Variants in FOXK1 observed in about 807,000 individuals in gnomAD.
The protein encoded by FOXK1 is forkhead box protein K1.
In FOXK1, 19 loss-of-function variants were observed where a neutral mutation model predicts 51.9. The ratio of observed to expected loss-of-function variants is 0.37; its 90% CI spans 0.26 to 0.54. FOXK1 has a LOEUF of 0.54. Among genes scored for constraint, FOXK1 ranks in the 20% least tolerant of loss-of-function variants. The pLI, the probability that FOXK1 is intolerant of heterozygous loss-of-function variation, is 0.87. For missense variants in FOXK1, 870 were observed against 1,032.7 expected (o/e 0.84, Z 2.16); for synonymous variants, 537 against 482.6 (o/e 1.11, Z -1.48).
rs778040613 is a variant in FOXK1, at chr7:4,755,371, C to A, written c.1038C>A (p.Asp346Glu). 1.9e-6 allele frequency: 3 copies of A among 1,613,502 alleles called. No homozygotes were observed. In the South Asian group the frequency reaches 3.3e-5, roughly 18 times the overall value. Residue 346 changes from aspartate (D) to glutamate (E), a missense_variant, in exon 4 of 9, where the codon GAC becomes GAA. Asp to Glu is a conservative substitution (Grantham distance 45, BLOSUM62 2). Coordinates refer to ENST00000328914, the MANE Select transcript of FOXK1 (RefSeq NM_001037165.2). The surrounding 1 kb of genome is among the most constrained non-coding windows in gnomAD (Gnocchi z 6.6). ...TKHYPYYRTA[D>E]KGWQNSIRHN... ...ATTACCCCTACTACCGGACGGCCGA[C>A]AAAGGCTGGCAGGTGAAGCCGAGTC...
rs192867629 is a variant in FOXK1, at chr7:4,703,620, C to G, written c.560+20752C>G. On this transcript the variant is annotated intron_variant, in intron 1 of 8. Coordinates refer to ENST00000328914, the MANE Select transcript of FOXK1 (RefSeq NM_001037165.2). This position sits in a 1 kb window ranked among gnomAD's most constrained non-coding sequence, Gnocchi z 5.6. ...ACATCATTAAGAATTGTTTTTATAT[C>G]TGGCAAAACTAAAAGCTTGAATATT... Among the ~76,000 whole-genome samples, 114 of 152,326 alleles carry G rather than the reference C, an allele frequency of 7.5e-4. No homozygotes were observed. Among genetic ancestry groups the G allele is most frequent in the Non-Finnish European group, 2.1e-4 (14 of 68,032 alleles).
At chr7:4,738,352 G>T (rs774839004) in intron 1 of FOXK1, among the ~76,000 whole-genome samples, 1 of 148,322 alleles carries the variant, frequency 6.7e-6, no homozygotes, top group Non-Finnish European at 1.5e-5. Context: ...CAGCAGAATC[G>T]CTTGAACCCA....
intron 1 of FOXK1, among the ~76,000 whole-genome samples, chr7:4,716,326 C>G (rs928513920): frequency 4.6e-5 from 7 of 151,878 alleles, no homozygotes; most frequent in Admixed American, 3.3e-4. Context: ...ATAGCAAGAC[C>G]CTGTTTCTAC....
chr7:4,710,705 G>A (rs139371566), intron 1 of FOXK1, among the ~76,000 whole-genome samples: 153 of 152,248 alleles, frequency 1.0e-3, no homozygotes, highest in African/African-American at 3.3e-3. Context: ...TGGAAGGGAG[G>A]GTCACATTCA....
In FOXK1 at chr7:4,747,674, T is replaced by C. The variant is rs1780723054; in HGVS notation, c.746+6651T>C. ...CTGCAGCCTCCTGAGTAGCTAGGAC[T>C]ACAGGCACCCACCACCACACACACC... On this transcript the variant is annotated intron_variant, in intron 2 of 8. Transcript: ENST00000328914. The surrounding 1 kb of genome is among the most constrained non-coding windows in gnomAD (Gnocchi z 9.2). Among the ~76,000 whole-genome samples, 1 of 150,652 alleles carries C rather than the reference T, an allele frequency of 6.6e-6. No homozygotes were observed. Among genetic ancestry groups the C allele is most frequent in the Admixed American group, 6.6e-5 (1 of 15,110 alleles).
chr7:4,715,673 G>A lies in FOXK1; in HGVS notation c.561-25165G>A, dbSNP rs1780224512. 6.6e-6 allele frequency among the ~76,000 whole-genome samples: 1 copy of A among 152,224 alleles called. No homozygotes were observed. The highest frequency in any genetic ancestry group is 2.4e-5 in the African/African-American group (1 of 41,470). On this transcript the variant is annotated intron_variant, in intron 1 of 8. Coordinates refer to ENST00000328914, the MANE Select transcript of FOXK1 (RefSeq NM_001037165.2). The surrounding 1 kb of genome is among the most constrained non-coding windows in gnomAD (Gnocchi z 4.5). ...TGTTCCCTGCTGTGACTGACTGGCA[G>A]GAACCTGGGCTTGTCAAGTCAGTCT... is the stretch of plus-strand genomic sequence containing the variant.
chr7:4,686,712 G>T (rs949688477), intron 1 of FOXK1, among the ~76,000 whole-genome samples: 10 of 152,256 alleles, frequency 6.6e-5, no homozygotes, highest in African/African-American at 2.4e-4. Flanking sequence ...TGCAACAACT[G>T]GGTTCTGTTT....
chr7:4,762,377 C>T lies in FOXK1; in HGVS notation c.2115C>T (p.Ser705=). 1 of 1,550,082 alleles carries T rather than the reference C, an allele frequency of 6.5e-7. No homozygotes were observed. The highest frequency in any genetic ancestry group is 8.7e-7 in the Non-Finnish European group (1 of 1,147,030). The change falls in exon 9 of 9, where the codon TCC becomes TCT. Residue 705 remains serine (S), a synonymous_variant. Coordinates refer to ENST00000328914, the MANE Select transcript of FOXK1 (RefSeq NM_001037165.2). The surrounding 1 kb of genome is among the most constrained non-coding windows in gnomAD (Gnocchi z 5.7). ...SSTGEPEVKR[S]RVEEPSGAVT... ...CTGGAGAGCCCGAGGTCAAAAGGTC[C>T]CGGGTGGAGGAGCCCAGTGGTGCTG...
intron 1 of FOXK1, among the ~76,000 whole-genome samples, chr7:4,721,285 C>G (rs1164286034): frequency 6.6e-6 from 1 of 152,124 alleles, no homozygotes; most frequent in African/African-American, 2.4e-5. Flanking sequence ...CTTGGAAACC[C>G]CCCGGAGCTC....
intron 1 of FOXK1, among the ~76,000 whole-genome samples, chr7:4,695,166 C>A (rs1779936827): frequency 6.6e-6 from 1 of 152,220 alleles, no homozygotes; most frequent in Admixed American, 6.5e-5. Context: ...GGCTGTACAG[C>A]CCTGGCATTG....
Position 4,762,651 on chromosome 7 carries a change from A to T in FOXK1, c.*187A>T. ...TGCCTTCCCGTGGTTTAAGACAAAA[A>T]CACATAAACAAGTTCAGACAACTGA... On this transcript the variant is annotated 3_prime_UTR_variant, in exon 9 of 9. Coordinates refer to ENST00000328914, the MANE Select transcript of FOXK1 (RefSeq NM_001037165.2). The surrounding 1 kb of genome is among the most constrained non-coding windows in gnomAD (Gnocchi z 5.7). 1 of 597,380 alleles carries T rather than the reference A, an allele frequency of 1.7e-6. No individual in the cohort carries two copies. Among genetic ancestry groups the T allele is most frequent in the African/African-American group, 1.9e-5 (1 of 53,698 alleles). The allele number at this position is 597,380 out of a possible 1,614,324, so 37.0% of individuals were successfully genotyped here.
At chr7:4,739,233 C>A (rs150354905) in intron 1 of FOXK1, among the ~76,000 whole-genome samples, 1 of 152,300 alleles carries the variant, frequency 6.6e-6, no homozygotes, top group Non-Finnish European at 1.5e-5. Flanking sequence ...GAGTACTTTG[C>A]CCGTCCTGAA....
intron 1 of FOXK1, among the ~76,000 whole-genome samples, chr7:4,687,589 C>T (rs543135057): frequency 3.7e-4 from 56 of 152,244 alleles, no homozygotes; most frequent in Admixed American, 1.4e-3. Flanking sequence ...CTACTACGCC[C>T]GGCCCCAACT....
At chr7:4,702,931 C>T (rs1347652338) in intron 1 of FOXK1, among the ~76,000 whole-genome samples, 1 of 152,152 alleles carries the variant, frequency 6.6e-6, no homozygotes, top group African/African-American at 2.4e-5. Context: ...CTACCCAGCT[C>T]GGGTTCTGGG....
At chr7:4,688,932 C>A (rs1779855804) in intron 1 of FOXK1, among the ~76,000 whole-genome samples, 1 of 151,412 alleles carries the variant, frequency 6.6e-6, no homozygotes, top group South Asian at 2.1e-4. Context: ...ACATTAGCAG[C>A]TTTTGGTGGT....
chr7:4,691,210 C>T (rs1224152812), intron 1 of FOXK1, among the ~76,000 whole-genome samples: 3 of 152,166 alleles, frequency 2.0e-5, no homozygotes, highest in African/African-American at 4.8e-5. Context: ...ATGTTTTCCT[C>T]GGATGCTGTG....
At position 4,749,838 on chromosome 7, in the gene FOXK1, G is replaced by C. The variant is rs1780752007; in HGVS notation, c.747-4621G>C. On this transcript the variant is annotated intron_variant, in intron 2 of 8. Coordinates refer to ENST00000328914, the MANE Select transcript of FOXK1 (RefSeq NM_001037165.2). The surrounding 1 kb of genome is among the most constrained non-coding windows in gnomAD (Gnocchi z 6.0). ...CGGCTCCAGAGGTGGCTTTAGGTCT[G>C]TTGTTGGATTTGCCTTTCTCAGCGT... is the stretch of plus-strand genomic sequence containing the variant. Among the ~76,000 whole-genome samples the C allele has an allele frequency of 6.6e-6, 1 of 152,232 alleles. No homozygotes were observed. The highest frequency in any genetic ancestry group is 1.5e-5 in the Non-Finnish European group (1 of 68,040).
chr7:4,688,118 A>G (rs958636221), intron 1 of FOXK1, among the ~76,000 whole-genome samples: 1 of 152,044 alleles, frequency 6.6e-6, no homozygotes, highest in Non-Finnish European at 1.5e-5. Context: ...GGCCGGCTTC[A>G]GCAGCTATCA....
chr7:4,682,531 T>TCCGGGGGCTCCC lies in FOXK1; in HGVS notation c.229_230insGCTCCCCCGGGG (p.Gly76_Val77insGlySerProGly). On this transcript the variant is annotated inframe_insertion, in exon 1 of 9. Transcript: ENST00000328914. This position sits in a 1 kb window ranked among gnomAD's most constrained non-coding sequence, Gnocchi z 7.6. ...GGGCGCGGGCTCCTCCGGGGGCTCC[T>TCCGGGGGCTCCC]CCGGGGTATCCGGGGACTCCGCGGT... 8.9e-7 allele frequency: 1 copy of TCCGGGGGCTCCC among 1,123,066 alleles called. No individual in the cohort carries two copies. Among genetic ancestry groups the TCCGGGGGCTCCC allele is most frequent in the Non-Finnish European group, 1.1e-6 (1 of 921,812 alleles). 69.6% of individuals were successfully genotyped at this position (1,123,066 alleles called of 1,614,324 possible).
Sources: allele counts gnomAD v4.1 joint callset (sites outside exome capture counted in the v4.1 genomes callset), GRCh38; gene constraint gnomAD v4.1.1; non-coding constraint Gnocchi (gnomAD v3.1); transcripts MANE v1.5; gene names NCBI Gene and HGNC (gene_info 2026-07-23, HGNC 2026-07-21).